Variants in C11orf42 observed in about 807,000 individuals in gnomAD.
The protein encoded by C11orf42 is chromosome 11 open reading frame 42, also known as uncharacterized protein C11orf42.
Under a neutral mutation model 27.9 loss-of-function variants are expected in C11orf42, and 24 were observed. The observed-to-expected ratio is 0.86, with a 90% CI of 0.62 to 1.21. The LOEUF is 1.21. Among genes scored for constraint, C11orf42 ranks in the 50% most tolerant of loss-of-function variants. The pLI, the probability that C11orf42 is intolerant of heterozygous loss-of-function variation, is 0.00. For missense variants in C11orf42, 455 were observed against 424.1 expected (o/e 1.07, Z -0.64); for synonymous variants, 187 against 180.8 (o/e 1.03, Z -0.28).
Position 6,210,900 on chromosome 11 carries a change from C to T in C11orf42, c.872-12C>T, listed in dbSNP as rs1418713769. 2 of 1,597,562 alleles carry T rather than the reference C, an allele frequency of 1.3e-6. No homozygotes were observed. The highest frequency in any genetic ancestry group is 1.7e-6 in the Non-Finnish European group (2 of 1,173,082). On this transcript the variant is annotated splice_polypyrimidine_tract_variant and intron_variant, in intron 2 of 2. Transcript: ENST00000316375. The surrounding 1 kb of genome is among the most constrained non-coding windows in gnomAD (Gnocchi z 4.0). ...CCATGAGTCAAGCTGTGACTATCCCCAACCCTGGCAGAGAACTGGCTCTTC... is the reference window on the plus strand; with the variant it reads ...CCATGAGTCAAGCTGTGACTATCCCTAACCCTGGCAGAGAACTGGCTCTTC...
rs1847039792 is a variant in C11orf42 at position 6,210,466 on chromosome 11, T to C, written c.689T>C (p.Leu230Pro). The C allele has an allele frequency of 1.2e-6, 2 of 1,613,736 alleles. No homozygotes were observed. Among genetic ancestry groups the C allele is most frequent in the Non-Finnish European group, 8.5e-7 (1 of 1,179,868 alleles). Residue 230 changes from leucine to proline, a missense_variant, in exon 2 of 3, where the codon CTC (leucine) becomes CCC (proline). By Grantham distance (98) the Leu-to-Pro change is moderately conservative (BLOSUM62 -3). Coordinates refer to ENST00000316375, the MANE Select transcript of C11orf42 (RefSeq NM_173525.3). The surrounding 1 kb of genome is among the most constrained non-coding windows in gnomAD (Gnocchi z 4.0). ...PHGANWVRPN[L>P]SIMPPLAPTS... ...GGGGCCAACTGGGTCAGACCCAACC[T>C]CAGCATCATGCCGCCTCTGGCCCCC... is the stretch of plus-strand genomic sequence containing the variant.
intron 1 of C11orf42, among the ~76,000 whole-genome samples, 173 bp from the exon 2 acceptor site, chr11:6,209,677 T>C (rs1183382262): frequency 6.6e-6 from 1 of 152,248 alleles, no homozygotes; most frequent in African/African-American, 2.4e-5. Context: ...TTAGATAGTT[T>C]GACACGTAAA....
chr11:6,208,383 G>A (rs907756527), intron 1 of C11orf42, among the ~76,000 whole-genome samples: 17 of 152,120 alleles, frequency 1.1e-4, no homozygotes, highest in African/African-American at 3.1e-4. Context: ...CTATTTCTGC[G>A]TAACCTACTA....
At chr11:6,206,374 T>G (rs1035756319) in intron 1 of C11orf42, among the ~76,000 whole-genome samples, 20 of 152,192 alleles carry the variant, frequency 1.3e-4, no homozygotes, top group Non-Finnish European at 2.9e-4. Context: ...GAGGCAAATT[T>G]GTATATTTTA....
chr11:6,211,129 C>G lies in C11orf42; in HGVS notation c.*87C>G. 6.5e-7 allele frequency: 1 copy of G among 1,545,088 alleles called. No homozygotes were observed. The highest frequency in any genetic ancestry group is 1.2e-5 in the South Asian group (1 of 83,536). On this transcript the variant is annotated 3_prime_UTR_variant, in exon 3 of 3. Coordinates refer to ENST00000316375, the MANE Select transcript of C11orf42 (RefSeq NM_173525.3). The stretch of plus-strand genomic sequence containing the variant: ...TAATAAACATCAGCTGCTGCTCCCC[C>G]AAACCATCCTGGGCCCATGCTGCTT...
chr11:6,209,621 T>C (rs1847020004), intron 1 of C11orf42, among the ~76,000 whole-genome samples: 1 of 152,232 alleles, frequency 6.6e-6, no homozygotes, highest in Admixed American at 6.5e-5. Flanking sequence ...GACTAAACTA[T>C]ATTAGGACAA....
In C11orf42 at chr11:6,210,226, T is replaced by C. The variant is rs1847034272; in HGVS notation, c.449T>C (p.Leu150Pro). Residue 150 changes from leucine to proline, a missense_variant, in exon 2 of 3, where the codon CTT (leucine) becomes CCT (proline). Physicochemically the swap from Leu to Pro is moderately conservative, Grantham distance 98. Transcript: ENST00000316375. This position sits in a 1 kb window ranked among gnomAD's most constrained non-coding sequence, Gnocchi z 4.0. ...PPGQVSLQQT[L>P]PWLRSTHSIY... ...GGGCAGGTGAGCCTACAGCAGACTC[T>C]TCCCTGGCTCCGAAGCACCCACAGC... 1.2e-6 allele frequency: 2 copies of C among 1,614,058 alleles called. No individual in the cohort carries two copies. Among genetic ancestry groups the C allele is most frequent in the Non-Finnish European group, 1.7e-6 (2 of 1,180,012 alleles).
chr11:6,205,749 G>T (rs1381938062), intron 1 of C11orf42, 62 bp downstream of exon 1: 1 of 1,353,744 alleles, frequency 7.4e-7, no homozygotes, highest in African/African-American at 1.4e-5. Flanking sequence ...GGTCTCAGCA[G>T]CTTGTGAGTA....
Position 6,205,621 on chromosome 11 carries a change from G to A in C11orf42, c.6G>A (p.Leu2=). 6.2e-7 allele frequency: 1 copy of A among 1,613,508 alleles called. No individual in the cohort carries two copies. The change falls in exon 1 of 3, where the codon TTG becomes TTA. Residue 2 remains leucine (L), a synonymous_variant. Transcript: ENST00000316375. The part of the protein sequence containing the change: M[L]VGTPNLLTLD... ...AATCCCTCCCATACCCCACCATGTTGGTGGGTACCCCCAACCTGCTGACAC... is the reference window on the plus strand; with the variant it reads ...AATCCCTCCCATACCCCACCATGTTAGTGGGTACCCCCAACCTGCTGACAC...
intron 1 of C11orf42, among the ~76,000 whole-genome samples, chr11:6,209,564 T>C (rs1430235717): frequency 6.6e-6 from 1 of 152,218 alleles, no homozygotes; most frequent in African/African-American, 2.4e-5. Flanking sequence ...TTGCTCTCTA[T>C]TAATATTTTA....
At position 6,210,859 on chromosome 11, in the gene C11orf42, G is replaced by GT. The variant is rs1027667223; in HGVS notation, c.872-53_872-52insT. The GT allele has an allele frequency of 2.0e-6, 3 of 1,527,916 alleles. No homozygotes were observed. The African/African-American group carries it at 4.2e-5, about 21-fold the overall frequency. The allele number at this position is 1,527,916 out of a possible 1,614,324, so 94.6% of individuals were successfully genotyped here. On this transcript the variant is annotated intron_variant, in intron 2 of 2. Transcript: ENST00000316375. The surrounding 1 kb of genome is among the most constrained non-coding windows in gnomAD (Gnocchi z 4.0). ...ACAGAGGACCAGAGGGAAAAGCTAG[G>GT]GGGGGAAAAGACCAGCCATGAGTCA...
intron 1 of C11orf42, among the ~76,000 whole-genome samples, chr11:6,208,104 T>G (rs1236213316): frequency 3.3e-5 from 5 of 152,092 alleles, no homozygotes; most frequent in Non-Finnish European, 4.4e-5. Context: ...GTACAATTAC[T>G]AGAGAGGCTC....
chr11:6,206,475 T>C (rs1207891565), intron 1 of C11orf42, among the ~76,000 whole-genome samples: 1 of 151,968 alleles, frequency 6.6e-6, no homozygotes, highest in African/African-American at 2.4e-5. Context: ...AAATTTCAGA[T>C]CAGAGAATTT....
Position 6,210,768 on chromosome 11 carries a change from T to G in C11orf42, c.871+120T>G, listed in dbSNP as rs1329492528. 7.2e-7 allele frequency: 1 copy of G among 1,397,362 alleles called. No homozygotes were observed. The highest frequency in any genetic ancestry group is 9.7e-7 in the Non-Finnish European group (1 of 1,033,730). 86.6% of individuals were successfully genotyped at this position (1,397,362 alleles called of 1,614,324 possible). A position where few individuals can be genotyped will look rare whatever the true frequency, so the allele number is the denominator to read the frequency against. On this transcript the variant is annotated intron_variant, in intron 2 of 2. Transcript: ENST00000316375. The surrounding 1 kb of genome is among the most constrained non-coding windows in gnomAD (Gnocchi z 4.0). ...CAGCACAGGGCTCTGGTGAAAGAGA[T>G]GGAATGAGGGAGACTGGGGAGGGTG...
chr11:6,207,495 T>C (rs999942340), intron 1 of C11orf42, among the ~76,000 whole-genome samples: 1 of 152,200 alleles, frequency 6.6e-6, no homozygotes, highest in Admixed American at 6.5e-5. Context: ...GAGCAGTTAG[T>C]GTGAGATTCT....
chr11:6,205,854 G>A (rs890504668), intron 1 of C11orf42, among the ~76,000 whole-genome samples, 167 bp downstream of exon 1: 2 of 152,070 alleles, frequency 1.3e-5, no homozygotes, highest in Non-Finnish European at 2.9e-5. Context: ...GGCACGAACC[G>A]CCCCATTTAA....
chr11:6,209,050 C>T (rs1045221808), intron 1 of C11orf42, among the ~76,000 whole-genome samples: 1 of 151,754 alleles, frequency 6.6e-6, no homozygotes, highest in African/African-American at 2.4e-5. Flanking sequence ...GTGGTGGGTG[C>T]CTGTAGTTCC....
In C11orf42 at chr11:6,208,267, A is replaced by G. The variant is rs576240124; in HGVS notation, c.73-1583A>G. ...CTGAAAGTATACCGTAACTAACATT[A>G]TAAAGATGAGGCCTCAAATTCCCTA... On this transcript the variant is annotated intron_variant, in intron 1 of 2. Coordinates refer to ENST00000316375, the MANE Select transcript of C11orf42 (RefSeq NM_173525.3). Among the ~76,000 whole-genome samples the G allele has an allele frequency of 2.6e-5, 4 of 152,288 alleles. No homozygotes were observed. In the East Asian group the frequency reaches 7.7e-4, roughly 29 times the overall value.
At chr11:6,205,852 C>T (rs1480809612) in intron 1 of C11orf42, among the ~76,000 whole-genome samples, 165 bp downstream of exon 1, 2 of 152,166 alleles carry the variant, frequency 1.3e-5, no homozygotes, top group African/African-American at 2.4e-5. Flanking sequence ...TTGGCACGAA[C>T]CGCCCCATTT....
Sources: gnomAD v4.1 joint callset for allele counts (sites outside exome capture counted in the v4.1 genomes callset) on GRCh38, gnomAD v4.1.1 for gene constraint, Gnocchi (gnomAD v3.1) non-coding constraint, MANE v1.5 for transcripts, NCBI Gene and HGNC (gene_info 2026-07-23, HGNC 2026-07-21) for gene names.